Variants in EGFR observed in about 807,000 individuals in gnomAD.
The protein encoded by EGFR is avian erythroblastic leukemia viral (v-erb-b) oncogene homolog.
In EGFR, 58 loss-of-function variants were observed where a neutral mutation model predicts 143.0. The ratio of observed to expected loss-of-function variants is 0.41; its 90% confidence interval spans 0.33 to 0.50. The LOEUF is 0.50. EGFR is among the 20% of genes least tolerant of loss of function. The pLI is 0.39. For missense variants in EGFR, 1,307 were observed against 1,579.0 expected (o/e 0.83, Z 2.92); for synonymous variants, 613 against 594.4 (o/e 1.03, Z -0.45).
intron 10 of EGFR, among the ~76,000 whole-genome samples, chr7:55,157,453 G>A (rs1785484774): frequency 6.6e-6 from 1 of 152,260 alleles, no homozygotes; most frequent in Non-Finnish European, 1.5e-5. Context: ...AATCGCAGCG[G>A]AAGGCGGGAG....
intron 27 of EGFR, among the ~76,000 whole-genome samples, chr7:55,203,771 A>T (rs1225146580): frequency 6.6e-6 from 1 of 151,102 alleles, no homozygotes; most frequent in Non-Finnish European, 1.5e-5. Context: ...ACATACACAT[A>T]TGTATGTGCA....
Position 55,034,959 on chromosome 7 carries a change from C to T in EGFR, c.88+15594C>T, listed in dbSNP as rs112045677. Among the ~76,000 whole-genome samples the T allele has an allele frequency of 9.5e-4, 144 of 152,252 alleles. 1 individual carries two copies. Among genetic ancestry groups the T allele is most frequent in the African/African-American group, 3.2e-3 (135 of 41,548 alleles). On this transcript the variant is annotated intron_variant, in intron 1 of 27. Coordinates refer to ENST00000275493, the MANE Select transcript of EGFR (RefSeq NM_005228.5). ...GCAAGTGGGATGAAGGGTGGTCTAACCTTTGTCCTGTGTTTACCTTCCATG... is the reference window on the plus strand; with the variant it reads ...GCAAGTGGGATGAAGGGTGGTCTAATCTTTGTCCTGTGTTTACCTTCCATG...
At chr7:55,068,572 GGCTCCGTGAGGATCT>G (rs1371298481) in intron 1 of EGFR, among the ~76,000 whole-genome samples, 1 of 152,144 alleles carries the variant, frequency 6.6e-6, no homozygotes, top group African/African-American at 2.4e-5. Context: ...CTAGCCGGGG[GGCTCCGTGAGGATCT>G]GCTCCTGGTC....
At chr7:55,041,860 C>T (rs1348256373) in intron 1 of EGFR, among the ~76,000 whole-genome samples, 1 of 152,120 alleles carries the variant, frequency 6.6e-6, no homozygotes, top group Non-Finnish European at 1.5e-5. Flanking sequence ...TTTAAGGAAA[C>T]AGTACTTGGA....
chr7:55,087,598 A>T (rs1790845644), intron 1 of EGFR, among the ~76,000 whole-genome samples: 1 of 152,232 alleles, frequency 6.6e-6, no homozygotes, highest in Non-Finnish European at 1.5e-5. Flanking sequence ...TAGAATCATT[A>T]ATCAAACTTT....
At chr7:55,098,459 A>G (rs1036297210) in intron 1 of EGFR, among the ~76,000 whole-genome samples, 1 of 152,118 alleles carries the variant, frequency 6.6e-6, no homozygotes, top group African/African-American at 2.4e-5. Context: ...TTGGATAAAT[A>G]TTTGCTTTAA....
At chr7:55,074,725 A>G (rs2128885996) in intron 1 of EGFR, among the ~76,000 whole-genome samples, 1 of 152,366 alleles carries the variant, frequency 6.6e-6, no homozygotes, top group East Asian at 1.9e-4. Context: ...AAGTGAAAGG[A>G]CATTTTAAAT....
chr7:55,156,433 G>C (rs1785422518), intron 8 of EGFR, 100 bp from the exon 9 acceptor site: 6 of 1,547,560 alleles, frequency 3.9e-6, no homozygotes, highest in East Asian at 2.2e-5. Flanking sequence ...TGGCGGTTCC[G>C]GTGACCGGAA....
chr7:55,046,032 T>C (rs979057540), intron 1 of EGFR, among the ~76,000 whole-genome samples: 3 of 152,222 alleles, frequency 2.0e-5, no homozygotes, highest in Non-Finnish European at 4.4e-5. Context: ...GAGATTAATT[T>C]CTTCTGTTTC....
intron 1 of EGFR, among the ~76,000 whole-genome samples, chr7:55,041,767 A>G (rs1477254470): frequency 6.6e-6 from 1 of 152,246 alleles, no homozygotes; most frequent in Non-Finnish European, 1.5e-5. Flanking sequence ...CTTATCTGAA[A>G]CAGGTGAGCG....
chr7:55,087,211 T>C (rs756944668), intron 1 of EGFR, among the ~76,000 whole-genome samples: 8 of 141,760 alleles, frequency 5.6e-5, no homozygotes, highest in Non-Finnish European at 1.1e-4. Flanking sequence ...GCTTGTCTGC[T>C]GCCCAGCAAG....
At position 55,207,740 on chromosome 7, in the gene EGFR, A is replaced by T. The variant is rs1788143110; in HGVS notation, c.*2123A>T. The T allele has an allele frequency of 6.6e-6, 1 of 152,394 alleles. No individual in the cohort carries two copies. Among genetic ancestry groups the T allele is most frequent in the Admixed American group, 6.5e-5 (1 of 15,288 alleles). The allele number at this position is 152,394 out of a possible 1,614,324, so 9.4% of individuals were successfully genotyped here. A position where few individuals can be genotyped will look rare whatever the true frequency, so the allele number is the denominator to read the frequency against. On this transcript the variant is annotated 3_prime_UTR_variant, in exon 28 of 28. Transcript: ENST00000275493. The stretch of plus-strand genomic sequence containing the variant: ...CAACCTGCTCCCTCTAAGCCAGGGG[A>T]TGAGCTTGGAGCATCCCACAAGTTC...
intron 1 of EGFR, among the ~76,000 whole-genome samples, chr7:55,082,316 C>T (rs1790508407): frequency 1.3e-5 from 2 of 152,204 alleles, no homozygotes; most frequent in Admixed American, 1.3e-4. Flanking sequence ...ACATGCCCCT[C>T]CCTTTCCTTT....
chr7:55,091,877 CACACACACACACA>C (rs1562706151), intron 1 of EGFR, among the ~76,000 whole-genome samples: 15 of 151,868 alleles, frequency 9.9e-5, no homozygotes, highest in African/African-American at 3.1e-4. Context: ...CACACACACA[CACACACACACACA>C]CCCTGAGAGA....
chr7:55,048,683 C>T (rs1193448446), intron 1 of EGFR, among the ~76,000 whole-genome samples: 1 of 152,122 alleles, frequency 6.6e-6, no homozygotes, highest in Non-Finnish European at 1.5e-5. Flanking sequence ...AGAGCCTTTC[C>T]CTTCTAGGGC....
chr7:55,035,011 A>G (rs1787476751), intron 1 of EGFR, among the ~76,000 whole-genome samples: 1 of 152,212 alleles, frequency 6.6e-6, no homozygotes. Context: ...ACAGCACAGT[A>G]GTGGCATGTG....
intron 8 of EGFR, 94 bp from the exon 9 acceptor site, chr7:55,156,439 C>A (rs1451727864): frequency 1.9e-6 from 3 of 1,573,114 alleles, no homozygotes; most frequent in Non-Finnish European, 2.6e-6. Context: ...TTCCGGTGAC[C>A]GGAATTCCTT....
rs1368081699 is a variant in EGFR at position 55,191,805 on chromosome 7, G to A, written c.2556G>A (p.Lys852=). The A allele has an allele frequency of 1.2e-6, 2 of 1,614,112 alleles. No individual in the cohort carries two copies. Among genetic ancestry groups the A allele is most frequent in the Non-Finnish European group, 1.7e-6 (2 of 1,180,040 alleles). Residue 852 remains lysine (K), a synonymous_variant, in exon 21 of 28, where the codon AAG becomes AAA. Coordinates refer to ENST00000275493, the MANE Select transcript of EGFR (RefSeq NM_005228.5). ...NVLVKTPQHV[K]ITDFGLAKLL... is the part of the protein sequence containing the mutation. Reference sequence around the variant, plus strand: ...TGGTGAAAACACCGCAGCATGTCAAGATCACAGATTTTGGGCTGGCCAAAC... The same window carrying A: ...TGGTGAAAACACCGCAGCATGTCAAAATCACAGATTTTGGGCTGGCCAAAC...
Position 55,100,785 on chromosome 7 carries a change from G to A in EGFR, c.89-41501G>A, listed in dbSNP as rs376372941. Among the ~76,000 whole-genome samples the A allele has an allele frequency of 1.7e-4, 26 of 152,344 alleles. No homozygotes were observed. In the East Asian group the frequency reaches 2.9e-3, roughly 17 times the overall value. ...TCCAGAGTCAGCTGCCAAGCCTCAC[G>A]TCACACATCACTGTTAGTCTTGGAG... On this transcript the variant is annotated intron_variant, in intron 1 of 27. Coordinates refer to ENST00000275493, the MANE Select transcript of EGFR (RefSeq NM_005228.5).
Sources: allele counts gnomAD v4.1 joint callset (sites outside exome capture counted in the v4.1 genomes callset), GRCh38; gene constraint gnomAD v4.1.1; transcripts MANE v1.5; gene names NCBI Gene and HGNC (gene_info 2026-07-23, HGNC 2026-07-21).